Variants in RIN2 observed in about 807,000 individuals in gnomAD.
The protein encoded by RIN2 is RAB5 interacting protein 2.
A neutral mutation model predicts 78.0 loss-of-function variants in RIN2; 36 were observed. That is an observed-to-expected ratio of 0.46 (90% CI 0.35 to 0.61). The LOEUF (loss-of-function observed/expected upper bound fraction) is 0.61. Among genes scored for constraint, RIN2 ranks in the 20% least tolerant of loss-of-function variants. RIN2 has a pLI of 0.00. For synonymous variants in RIN2, 466 were observed against 466.8 expected, an observed-to-expected ratio of 1.00 and a Z score of 0.02; for missense variants, 1,087 against 1,159.7, an observed-to-expected ratio of 0.94 and a Z score of 0.91.
chr20:19,981,064 A>G (rs199592), intron 9 of RIN2, among the ~76,000 whole-genome samples: 54,920 of 151,874 alleles, frequency 0.36, 10,494 homozygotes, highest in Non-Finnish European at 0.44. Flanking sequence ...AAAGCACTTT[A>G]ATGTATAAGA....
At chr20:19,891,362 T>C (rs2038452347) in intron 3 of RIN2, among the ~76,000 whole-genome samples, 1 of 152,192 alleles carries the variant, frequency 6.6e-6, no homozygotes, top group African/African-American at 2.4e-5. Flanking sequence ...GAGATATTTA[T>C]TTCCCCCTGT....
chr20:19,788,432 C>CAAAAAAAAAAAAAAAAAA (rs1224663738), intron 1 of RIN2, among the ~76,000 whole-genome samples: 36 of 53,702 alleles, frequency 6.7e-4, no homozygotes, highest in African/African-American at 2.6e-3. Flanking sequence ...CTGTCTCTGC[C>CAAAAAAAAAAAAAAAAAA]AAAAAAAAAA....
intron 2 of RIN2, among the ~76,000 whole-genome samples, chr20:19,874,312 G>T (rs2037788716): frequency 1.3e-5 from 2 of 152,182 alleles, no homozygotes; most frequent in African/African-American, 4.8e-5. Flanking sequence ...GTTATGCATT[G>T]ATCTGTTAAT....
chr20:19,851,201 T>TCAG (rs1052247142), intron 2 of RIN2, among the ~76,000 whole-genome samples: 1 of 151,598 alleles, frequency 6.6e-6, no homozygotes, highest in Non-Finnish European at 1.5e-5. Context: ...ATGGAGGGGG[T>TCAG]CAGTGGCAAA....
intron 3 of RIN2, among the ~76,000 whole-genome samples, chr20:19,920,838 A>G (rs2039885956): frequency 6.6e-6 from 1 of 152,002 alleles, no homozygotes; most frequent in African/African-American, 2.4e-5. Context: ...ATGTCCAGCT[A>G]ATTTTTGTAT....
intron 4 of RIN2, among the ~76,000 whole-genome samples, chr20:19,953,424 GC>G (rs1040443700): frequency 6.6e-6 from 1 of 150,504 alleles, no homozygotes; most frequent in African/African-American, 2.4e-5. Flanking sequence ...GTGAGCCACT[GC>G]ACCTGGCTTT....
intron 1 of RIN2, among the ~76,000 whole-genome samples, chr20:19,777,776 C>T (rs76355521): frequency 6.6e-6 from 1 of 152,222 alleles, no homozygotes; most frequent in East Asian, 1.9e-4. Context: ...AATAAACACT[C>T]AAAACACTGG....
chr20:19,923,402 C>T (rs1265378153), intron 3 of RIN2, among the ~76,000 whole-genome samples: 1 of 134,674 alleles, frequency 7.4e-6, no homozygotes, highest in Admixed American at 7.5e-5. Context: ...GGAGATGGAG[C>T]GAGACTGTGT....
intron 10 of RIN2, among the ~76,000 whole-genome samples, chr20:19,990,959 A>G (rs73901366): frequency 0.021 from 3,147 of 152,314 alleles, 126 homozygotes; most frequent in African/African-American, 0.071. Context: ...GCCAGCCCTC[A>G]GATTTAGCCT....
At chr20:19,834,283 G>A (rs1450071857) in intron 2 of RIN2, among the ~76,000 whole-genome samples, 4 of 152,132 alleles carry the variant, frequency 2.6e-5, no homozygotes, top group Non-Finnish European at 5.9e-5. Context: ...TCAGCTTTTT[G>A]CTTAAGTGGG....
At chr20:19,979,457 C>T (rs199580) in intron 9 of RIN2, among the ~76,000 whole-genome samples, 2,715 of 152,178 alleles carry the variant, frequency 0.018, 46 homozygotes, top group African/African-American at 0.048. Context: ...AAGGTCACTT[C>T]GATTTACGTA....
intron 2 of RIN2, among the ~76,000 whole-genome samples, chr20:19,842,710 C>G (rs2036621127): frequency 1.3e-5 from 2 of 152,018 alleles, no homozygotes; most frequent in Admixed American, 1.3e-4. Flanking sequence ...GTTTTCAGGC[C>G]TGCTAACACA....
At chr20:19,887,364 AGCTATGTACTGTCT>A (rs986020669) in intron 2 of RIN2, among the ~76,000 whole-genome samples, 1 of 152,070 alleles carries the variant, frequency 6.6e-6, no homozygotes, top group Non-Finnish European at 1.5e-5. Flanking sequence ...AATAATAATA[AGCTATGTACTGTCT>A]GCTTGAACTA....
At position 19,990,158 on chromosome 20, in the gene RIN2, C is replaced by A; in HGVS notation, c.1915C>A (p.Leu639Met). ...TGTGCGGCAGAGGAATCCGCAGGAGCTGGGGGTCTTCGCCCCGACCCCTGA... is the reference window on the plus strand; with the variant it reads ...TGTGCGGCAGAGGAATCCGCAGGAGATGGGGGTCTTCGCCCCGACCCCTGA... ...QLVRQRNPQE[L>M]GVFAPTPDFV... The change falls in exon 10 of 13, where the codon CTG becomes ATG. Residue 639 changes from leucine to methionine, a missense_variant. Physicochemically the swap from Leu to Met is conservative, Grantham distance 15 (BLOSUM62 2). This residue lies in a region of RIN2 where 97 missense variants were observed against 104.8 expected (regional missense o/e 0.93). Coordinates refer to ENST00000255006, the MANE Select transcript of RIN2 (RefSeq NM_018993.4). 1 of 1,604,276 alleles carries A rather than the reference C, an allele frequency of 6.2e-7. No individual in the cohort carries two copies. The highest frequency in any genetic ancestry group is 2.2e-5 in the East Asian group (1 of 44,538).
intron 2 of RIN2, among the ~76,000 whole-genome samples, chr20:19,853,697 GT>G (rs1250734579): frequency 6.6e-6 from 1 of 152,188 alleles, no homozygotes; most frequent in Non-Finnish European, 1.5e-5. Context: ...AGAAGTGTCT[GT>G]TCATATCCTT....
intron 4 of RIN2, 106 bp from the exon 5 acceptor site, chr20:19,956,508 TG>T: frequency 2.2e-6 from 2 of 922,302 alleles, no homozygotes; most frequent in Non-Finnish European, 3.4e-6. Flanking sequence ...GATCACAAGA[TG>T]GGGTATGTGC....
intron 9 of RIN2, among the ~76,000 whole-genome samples, chr20:19,983,105 C>A (rs1224207646): frequency 6.6e-6 from 1 of 152,142 alleles, no homozygotes; most frequent in Non-Finnish European, 1.5e-5. Flanking sequence ...GATTATGCAC[C>A]CATTTTAGTC....
intron 12 of RIN2, among the ~76,000 whole-genome samples, chr20:20,000,386 A>G (rs920629032): frequency 6.6e-6 from 1 of 152,178 alleles, no homozygotes; most frequent in Non-Finnish European, 1.5e-5. Context: ...GGCTGCATGG[A>G]CTTCCTGCTT....
chr20:19,826,064 G>A (rs6081761), intron 2 of RIN2, among the ~76,000 whole-genome samples: 61,796 of 151,898 alleles, frequency 0.41, 12,879 homozygotes, highest in Middle Eastern at 0.51. Context: ...GTCAATCTTT[G>A]TTGCTCATGC....
Sources: gnomAD v4.1 joint callset for allele counts (sites outside exome capture counted in the v4.1 genomes callset) on GRCh38, gnomAD v4.1.1 for gene constraint, gnomAD v4.1.1 regional missense constraint, MANE v1.5 for transcripts, NCBI Gene and HGNC (gene_info 2026-07-23, HGNC 2026-07-21) for gene names.